The following ARHGAP11A variants were observed in gnomAD, a reference collection of about 807,000 sequenced individuals.
ARHGAP11A encodes the protein rho GTPase-activating protein 11A.
ARHGAP11A carries 36 observed loss-of-function variants against 60.5 expected under a neutral mutation model. The ratio of observed to expected loss-of-function variants is 0.59; its 90% CI spans 0.46 to 0.79. The LOEUF (loss-of-function observed/expected upper bound fraction) is 0.79. Among genes scored for constraint, ARHGAP11A ranks in the 30% least tolerant of loss-of-function variants. ARHGAP11A has a pLI of 0.00. For synonymous variants in ARHGAP11A, 362 were observed against 415.5 expected, an observed-to-expected ratio of 0.87 and a Z score of 1.57; for missense variants, 1,071 against 1,199.2, an observed-to-expected ratio of 0.89 and a Z score of 1.58.
intron 2 of ARHGAP11A, among the ~76,000 whole-genome samples, chr15:32,620,588 A>C (rs1431533948): frequency 6.6e-6 from 1 of 151,850 alleles, no homozygotes; most frequent in Admixed American, 6.6e-5. Context: ...TTTTAAATTT[A>C]TAATTTGTAC....
chr15:32,616,081 G>A lies in ARHGAP11A; in HGVS notation c.-131G>A, dbSNP rs2053132082. ...GAAGTGGCCGGGGGTCGGGGCCGCAGAAGTGCCAGACGGGGCCGGAAAGCA... is the reference window on the plus strand; with the variant it reads ...GAAGTGGCCGGGGGTCGGGGCCGCAAAAGTGCCAGACGGGGCCGGAAAGCA... On this transcript the variant is annotated 5_prime_UTR_variant, in exon 1 of 12. Coordinates refer to ENST00000361627, the MANE Select transcript of ARHGAP11A (RefSeq NM_014783.6). 5 of 1,392,946 alleles carry A rather than the reference G, an allele frequency of 3.6e-6. No homozygotes were observed. The highest frequency in any genetic ancestry group is 4.8e-6 in the Non-Finnish European group (5 of 1,038,244). 86.3% of individuals were successfully genotyped at this position (1,392,946 alleles called of 1,614,324 possible). A position where few individuals can be genotyped will look rare whatever the true frequency, so the allele number is the denominator to read the frequency against.
Position 32,637,967 on chromosome 15 carries a change from A to C in ARHGAP11A, c.*122A>C. 1.1e-6 allele frequency: 1 copy of C among 890,186 alleles called. No individual in the cohort carries two copies. Among genetic ancestry groups the C allele is most frequent in the Non-Finnish European group, 1.7e-6 (1 of 603,742 alleles). 55.1% of individuals were successfully genotyped at this position (890,186 alleles called of 1,614,324 possible). ...GTTAAGCAATAGATTTGCTCTATTG[A>C]AAATGTTTCATTTTTTTCACTGTAC... On this transcript the variant is annotated 3_prime_UTR_variant, in exon 12 of 12. Transcript: ENST00000361627.
intron 9 of ARHGAP11A, among the ~76,000 whole-genome samples, chr15:32,633,586 T>C (rs2053634213): frequency 1.3e-5 from 2 of 152,084 alleles, no homozygotes; most frequent in African/African-American, 4.8e-5. Context: ...AAGGCTACAG[T>C]GAGCAGTGAT....
At chr15:32,626,870 A>G (rs2053470555) in intron 6 of ARHGAP11A, among the ~76,000 whole-genome samples, 1 of 152,236 alleles carries the variant, frequency 6.6e-6, no homozygotes, top group Non-Finnish European at 1.5e-5. Context: ...TACAGGGCAC[A>G]TTGGATTAGG....
Position 32,636,476 on chromosome 15 carries a change from C to A in ARHGAP11A, c.1703C>A (p.Pro568His). The A allele has an allele frequency of 6.2e-7, 1 of 1,613,842 alleles. No individual in the cohort carries two copies. Residue 568 changes from proline (P) to histidine (H), a missense_variant, in exon 12 of 12, where the codon CCT becomes CAT. Around this residue, in one of 4 missense-constraint regions of ARHGAP11A, gnomAD observed 776 missense variants for 760.2 expected, o/e 1.02. Coordinates refer to ENST00000361627, the MANE Select transcript of ARHGAP11A (RefSeq NM_014783.6). ...KSPATSCELT[P>H]SNLNNKHNSN... ...CCTGCTACTTCATGTGAACTCACCC[C>A]TTCCAATTTAAACAATAAGCATAAT... is the stretch of plus-strand genomic sequence containing the variant.
At chr15:32,616,507 GT>G (rs1055388244) in intron 1 of ARHGAP11A, among the ~76,000 whole-genome samples, 167 bp downstream of exon 1, 5 of 152,004 alleles carry the variant, frequency 3.3e-5, no homozygotes, top group Admixed American at 1.3e-4. Context: ...TGACATTCTT[GT>G]TTTTTTTCCC....
At chr15:32,622,728 C>T (rs2140450141) in intron 2 of ARHGAP11A, among the ~76,000 whole-genome samples, 1 of 151,896 alleles carries the variant, frequency 6.6e-6, no homozygotes, top group South Asian at 2.1e-4. Context: ...TGAGCACATT[C>T]CCCTTAATAT....
Position 32,615,701 on chromosome 15 carries a change from GC to G in ARHGAP11A, c.-509del, listed in dbSNP as rs1347543292. ...GGCGGGCACCGGGACTGGAAGAGTT[GC>G]CTGAGCAGCCGGCTGGTCCGGCGGC... On this transcript the variant is annotated 5_prime_UTR_variant, in exon 1 of 12. Coordinates refer to ENST00000361627, the MANE Select transcript of ARHGAP11A (RefSeq NM_014783.6). 3 of 153,108 alleles carry G rather than the reference GC, an allele frequency of 2.0e-5. No individual in the cohort carries two copies. The highest frequency in any genetic ancestry group is 7.2e-5 in the African/African-American group (3 of 41,436). The allele number at this position is 153,108 out of a possible 1,614,324, so 9.5% of individuals were successfully genotyped here. A position where few individuals can be genotyped will look rare whatever the true frequency, so the allele number is the denominator to read the frequency against.
At chr15:32,632,954 AT>A (rs772350875) in intron 8 of ARHGAP11A, 24 bp from the exon 9 acceptor site, 2 of 1,602,054 alleles carry the variant, frequency 1.2e-6, no homozygotes, top group Non-Finnish European at 1.7e-6. Context: ...TATGTGTGGT[AT>A]ATTACATGTG....
At chr15:32,630,940 A>G in intron 8 of ARHGAP11A, among the ~76,000 whole-genome samples, 1 of 151,734 alleles carries the variant, frequency 6.6e-6, no homozygotes, top group Non-Finnish European at 1.5e-5. Context: ...TTGTAGTTCT[A>G]CCTGCCTTTG....
intron 1 of ARHGAP11A, among the ~76,000 whole-genome samples, chr15:32,616,811 G>T (rs1288628873): frequency 6.6e-6 from 1 of 152,220 alleles, no homozygotes; most frequent in Non-Finnish European, 1.5e-5. Context: ...GTTGTAGAGG[G>T]ACAAGGGAGA....
intron 2 of ARHGAP11A, among the ~76,000 whole-genome samples, chr15:32,620,751 AT>A (rs1227324694): frequency 6.6e-6 from 1 of 152,050 alleles, no homozygotes; most frequent in Non-Finnish European, 1.5e-5. Flanking sequence ...TTCAGTAATA[AT>A]TTTGACTTTT....
At chr15:32,635,176 T>A (rs1490608025) in intron 10 of ARHGAP11A, among the ~76,000 whole-genome samples, 1 of 152,208 alleles carries the variant, frequency 6.6e-6, no homozygotes, top group African/African-American at 2.4e-5. Context: ...TCTGCTCCAG[T>A]CTCAGAGACT....
chr15:32,620,636 T>G (rs1282244162), intron 2 of ARHGAP11A, among the ~76,000 whole-genome samples: 1 of 151,978 alleles, frequency 6.6e-6, no homozygotes, highest in Non-Finnish European at 1.5e-5. Context: ...CAGTAATGAG[T>G]AAATGTTAGA....
In ARHGAP11A at chr15:32,624,196, T is replaced by C. The variant is rs140318875; in HGVS notation, c.321T>C (p.Gly107=). 2.8e-5 allele frequency: 45 copies of C among 1,611,598 alleles called. No homozygotes were observed. Among genetic ancestry groups the C allele is most frequent in the Middle Eastern group, 1.6e-4 (1 of 6,072 alleles). The change falls in exon 4 of 12, where the codon GGT becomes GGC. Residue 107 remains glycine (G), a synonymous_variant. Coordinates refer to ENST00000361627, the MANE Select transcript of ARHGAP11A (RefSeq NM_014783.6). ...ALKNKVDHGE[G]CLSSAPPCDI... Reference sequence around the variant, plus strand: ...AGAATAAAGTGGATCATGGTGAAGGTTGCCTATCTTCTGCACCTCCTTGTG... The same window carrying C: ...AGAATAAAGTGGATCATGGTGAAGGCTGCCTATCTTCTGCACCTCCTTGTG...
rs374320811 is a variant in ARHGAP11A, at chr15:32,638,273, G to C, written c.*428G>C. The C allele has an allele frequency of 6.4e-6, 1 of 156,198 alleles. No individual in the cohort carries two copies. The highest frequency in any genetic ancestry group is 1.4e-5 in the Non-Finnish European group (1 of 71,018). 9.7% of individuals were successfully genotyped at this position (156,198 alleles called of 1,614,324 possible). On this transcript the variant is annotated 3_prime_UTR_variant, in exon 12 of 12. Transcript: ENST00000361627. ...TATTTTTAGTAGAGACGGTTTCACC[G>C]TGTTAGCCAGGATGGTCTCGATCTC... is the stretch of plus-strand genomic sequence containing the variant.
chr15:32,616,170 A>G lies in ARHGAP11A; in HGVS notation c.-42A>G. The G allele has an allele frequency of 2.5e-6, 4 of 1,599,776 alleles. No individual in the cohort carries two copies. The highest frequency in any genetic ancestry group is 3.4e-6 in the Non-Finnish European group (4 of 1,172,138). ...GAAGACTTGGTGGCGAACGAGGGTCAGGACCTGCATCCTGCCTCAGAGAGT... is the reference window on the plus strand; with the variant it reads ...GAAGACTTGGTGGCGAACGAGGGTCGGGACCTGCATCCTGCCTCAGAGAGT... On this transcript the variant is annotated 5_prime_UTR_variant, in exon 1 of 12. Coordinates refer to ENST00000361627, the MANE Select transcript of ARHGAP11A (RefSeq NM_014783.6).
chr15:32,624,341 A>G lies in ARHGAP11A; in HGVS notation c.466A>G (p.Thr156Ala). The change falls in exon 4 of 12, where the codon ACA becomes GCA. Residue 156 changes from threonine to alanine, a missense_variant. Physicochemically the swap from Thr to Ala is moderately conservative, Grantham distance 58 (BLOSUM62 0). Transcript: ENST00000361627. The part of the protein sequence containing the change: ...QLGTEEKNKA[T>A]LLLSCLLADH... ...AGGCACAGAGGAAAAGAATAAAGCT[A>G]CACTGTTGCTCTCCTGTCTTCTGGC... 3.1e-6 allele frequency: 5 copies of G among 1,613,930 alleles called. No individual in the cohort carries two copies. The highest frequency in any genetic ancestry group is 4.2e-6 in the Non-Finnish European group (5 of 1,179,868).
Position 32,638,030 on chromosome 15 carries a change from T to C in ARHGAP11A, c.*185T>C, listed in dbSNP as rs1329072113. On this transcript the variant is annotated 3_prime_UTR_variant, in exon 12 of 12. Coordinates refer to ENST00000361627, the MANE Select transcript of ARHGAP11A (RefSeq NM_014783.6). ...TTTTTATTTGTACAAATTACTTCTT[T>C]GTTTTTCTTAATGATGGCAATTTTT... 5.1e-6 allele frequency: 3 copies of C among 582,884 alleles called. No homozygotes were observed. The highest frequency in any genetic ancestry group is 8.6e-6 in the Non-Finnish European group (3 of 348,784). The allele number at this position is 582,884 out of a possible 1,614,324, so 36.1% of individuals were successfully genotyped here.
Sources: allele counts gnomAD v4.1 joint callset (sites outside exome capture counted in the v4.1 genomes callset), GRCh38; gene constraint gnomAD v4.1.1; regional missense constraint gnomAD v4.1.1; transcripts MANE v1.5; gene names NCBI Gene and HGNC (gene_info 2026-07-23, HGNC 2026-07-21).